The following ADAMTS15 variants were observed in gnomAD, a reference collection of about 807,000 sequenced individuals.
ADAMTS15 encodes the protein ADAM metallopeptidase with thrombospondin type 1 motif 15, also known as A disintegrin and metalloproteinase with thrombospondin motifs 15.
In ADAMTS15, 35 loss-of-function variants were observed where a neutral mutation model predicts 79.1. The ratio of observed to expected loss-of-function variants is 0.44; its 90% confidence interval spans 0.34 to 0.59. The LOEUF is 0.59. Among genes scored for constraint, ADAMTS15 ranks in the 20% least tolerant of loss-of-function variants. The probability of loss-of-function intolerance (pLI) is 0.02; values close to 1 mark genes in which losing one functional copy is unlikely to be tolerated. For missense variants in ADAMTS15, 1,324 were observed against 1,318.7 expected (o/e 1.00, Z -0.06); for synonymous variants, 616 against 567.3 (o/e 1.09, Z -1.22).
Position 130,449,717 on chromosome 11 carries a change from G to A in ADAMTS15, c.744G>A (p.Thr248=), listed in dbSNP as rs975345296. The change falls in exon 1 of 8, where the codon ACG becomes ACA. Residue 248 remains threonine (T), a synonymous_variant. Transcript: ENST00000299164. This position sits in a 1 kb window ranked among gnomAD's most constrained non-coding sequence, Gnocchi z 7.8. ...LEHYLLTLLA[T]AARLYRHPSI... ...ATTATCTGCTGACGCTGCTGGCAAC[G>A]GCGGCGCGACTCTACCGCCATCCCA... is the stretch of plus-strand genomic sequence containing the variant. 6.2e-7 allele frequency: 1 copy of A among 1,611,838 alleles called. No individual in the cohort carries two copies. Among genetic ancestry groups the A allele is most frequent in the Non-Finnish European group, 8.5e-7 (1 of 1,179,386 alleles).
At chr11:130,454,110 G>A (rs931049948) in intron 1 of ADAMTS15, among the ~76,000 whole-genome samples, 3 of 152,162 alleles carry the variant, frequency 2.0e-5, no homozygotes. Flanking sequence ...GAGCCACTGC[G>A]CCTGGTCTAT....
At position 130,449,592 on chromosome 11, in the gene ADAMTS15, T is replaced by G. The variant is rs1016581830; in HGVS notation, c.619T>G (p.Ser207Ala). The G allele has an allele frequency of 1.2e-6, 2 of 1,602,012 alleles. No homozygotes were observed. The highest frequency in any genetic ancestry group is 2.7e-5 in the African/African-American group (2 of 74,760). ...GFGESRSRRR[S>A]GRAKRFVSIP... ...CGGGGAGAGTCGTAGCCGGCGCAGG[T>G]CTGGGCGCGCCAAGCGTTTCGTGTC... is the stretch of plus-strand genomic sequence containing the variant. The change falls in exon 1 of 8, where the codon TCT (serine) becomes GCT (alanine). Residue 207 changes from serine (S) to alanine (A), a missense_variant. Physicochemically the swap from Ser to Ala is moderately conservative, Grantham distance 99. Transcript: ENST00000299164. This position sits in a 1 kb window ranked among gnomAD's most constrained non-coding sequence, Gnocchi z 7.8.
chr11:130,452,272 G>A (rs1937979910), intron 1 of ADAMTS15, among the ~76,000 whole-genome samples: 1 of 152,174 alleles, frequency 6.6e-6, no homozygotes, highest in African/African-American at 2.4e-5. Flanking sequence ...GACAATTTGA[G>A]GAGTTTACTT....
chr11:130,452,472 C>T (rs576897293), intron 1 of ADAMTS15, among the ~76,000 whole-genome samples: 10 of 152,260 alleles, frequency 6.6e-5, no homozygotes, highest in Middle Eastern at 3.4e-3. Context: ...TTGCATTGGG[C>T]GGCAGGAGCC....
intron 1 of ADAMTS15, among the ~76,000 whole-genome samples, chr11:130,456,901 G>A (rs923880352): frequency 1.3e-5 from 2 of 152,208 alleles, no homozygotes; most frequent in Admixed American, 6.5e-5. Flanking sequence ...AGCAAAGTCC[G>A]CTACATGAGA....
intron 1 of ADAMTS15, among the ~76,000 whole-genome samples, chr11:130,453,475 G>A (rs1444625329): frequency 2.0e-5 from 3 of 151,354 alleles, no homozygotes; most frequent in East Asian, 1.9e-4. Flanking sequence ...TTTAGAGATA[G>A]GGTCTCATTC....
intron 2 of ADAMTS15, among the ~76,000 whole-genome samples, 153 bp downstream of exon 2, chr11:130,461,774 G>A (rs375176384): frequency 1.9e-4 from 29 of 152,208 alleles, no homozygotes; most frequent in African/African-American, 4.6e-4. Context: ...TACTTTTTCC[G>A]ATTGCCCCAG....
At chr11:130,452,863 A>C (rs55925400) in intron 1 of ADAMTS15, among the ~76,000 whole-genome samples, 80,618 of 151,372 alleles carry the variant, frequency 0.53, 22,585 homozygotes, top group African/African-American at 0.72. Flanking sequence ...CGCCTGTAGT[A>C]CCAGCTACTC....
chr11:130,464,031 G>A (rs532536331), intron 4 of ADAMTS15, among the ~76,000 whole-genome samples: 1 of 152,262 alleles, frequency 6.6e-6, no homozygotes, highest in Admixed American at 6.5e-5. Flanking sequence ...CAAGGAGGCG[G>A]GCGGTCCTGG....
intron 4 of ADAMTS15, among the ~76,000 whole-genome samples, chr11:130,467,575 T>C (rs1938328037): frequency 2.0e-5 from 3 of 152,150 alleles, no homozygotes; most frequent in African/African-American, 7.2e-5. Flanking sequence ...CCTGCTTAGT[T>C]CCATGTGAGT....
intron 5 of ADAMTS15, among the ~76,000 whole-genome samples, chr11:130,470,381 T>C (rs1014706069): frequency 3.1e-4 from 47 of 150,998 alleles, no homozygotes; most frequent in African/African-American, 1.1e-3. Flanking sequence ...CATGCCCAGC[T>C]AATTTTTGTG....
chr11:130,461,349 C>G (rs1938193814), intron 1 of ADAMTS15, 140 bp from the exon 2 acceptor site: 1 of 1,230,608 alleles, frequency 8.1e-7, no homozygotes, highest in Admixed American at 2.4e-5. Context: ...GAAGAAGAGC[C>G]CAGCTGGAAG....
chr11:130,463,573 G>A (rs902330706), intron 4 of ADAMTS15, among the ~76,000 whole-genome samples: 1 of 152,134 alleles, frequency 6.6e-6, no homozygotes, highest in Admixed American at 6.5e-5. Context: ...GGGACGACTT[G>A]CCTCTGGGCA....
At chr11:130,456,127 G>A (rs1938073819) in intron 1 of ADAMTS15, among the ~76,000 whole-genome samples, 5 of 152,126 alleles carry the variant, frequency 3.3e-5, no homozygotes, top group Non-Finnish European at 4.4e-5. Flanking sequence ...GTGCGATGGG[G>A]CCTGATAATG....
chr11:130,449,662 T>C lies in ADAMTS15; in HGVS notation c.689T>C (p.Met230Thr). The change falls in exon 1 of 8, where the codon ATG (methionine) becomes ACG (threonine). Residue 230 changes from methionine (M) to threonine (T), a missense_variant. By Grantham distance (81) the Met-to-Thr change is moderately conservative. Transcript: ENST00000299164. This position sits in a 1 kb window ranked among gnomAD's most constrained non-coding sequence, Gnocchi z 7.8. ...ACGCTGGTGGTCGCGGACGAGTCAATGGTCAAGTTCCACGGCGCGGACCTG... is the reference window on the plus strand; with the variant it reads ...ACGCTGGTGGTCGCGGACGAGTCAACGGTCAAGTTCCACGGCGCGGACCTG... The part of the protein sequence containing the change: ...VETLVVADES[M>T]VKFHGADLEH... 1 of 1,587,596 alleles carries C rather than the reference T, an allele frequency of 6.3e-7. No homozygotes were observed. Among genetic ancestry groups the C allele is most frequent in the Non-Finnish European group, 8.6e-7 (1 of 1,168,232 alleles).
Position 130,470,184 on chromosome 11 carries a change from G to GTATATATATATATATATATA in ADAMTS15, c.1721-735_1721-734insATATATATATATATATATAT, listed in dbSNP as rs1281455253. ...TATATATATATATATATATATATGT[G>GTATATATATATATATATATA]TGTATATATATATATATATATATAT... On this transcript the variant is annotated intron_variant, in intron 5 of 7. Transcript: ENST00000299164. Among the ~76,000 whole-genome samples, 110 of 50,162 alleles carry GTATATATATATATATATATA rather than the reference G, an allele frequency of 2.2e-3. 4 individuals are homozygous for GTATATATATATATATATATA. Among genetic ancestry groups the GTATATATATATATATATATA allele is most frequent in the Admixed American group, 1.1e-3 (5 of 4,690 alleles). 32.9% of individuals were successfully genotyped at this position (50,162 alleles called of 152,430 possible).
chr11:130,471,669 T>C (rs1032649674), intron 7 of ADAMTS15, among the ~76,000 whole-genome samples: 1 of 152,172 alleles, frequency 6.6e-6, no homozygotes, highest in Non-Finnish European at 1.5e-5. Context: ...TTAGGGGCTG[T>C]ATAGTGTTCT....
rs890737091 is a variant in ADAMTS15 at position 130,448,866 on chromosome 11, C to T, written c.-108C>T. The T allele has an allele frequency of 3.2e-5, 27 of 841,620 alleles. No individual in the cohort carries two copies. The East Asian group carries it at 6.8e-4, about 21-fold the overall frequency. 52.1% of individuals were successfully genotyped at this position (841,620 alleles called of 1,614,324 possible). A position where few individuals can be genotyped will look rare whatever the true frequency, so the allele number is the denominator to read the frequency against. On this transcript the variant is annotated 5_prime_UTR_variant, in exon 1 of 8. Coordinates refer to ENST00000299164, the MANE Select transcript of ADAMTS15 (RefSeq NM_139055.4). ...CTCCTTTCTGGGAACTGCCGGCTGT[C>T]CCGTAGCGTTGGCGGTTCCAGAGTG...
In ADAMTS15 at chr11:130,449,789, T is replaced by C; in HGVS notation, c.816T>C (p.Leu272=). ...TCGTTGTGGTCAAGGTGCTGCTTCTTAGAGATCGTGACTCCGGGCCCAAGG... is the reference window on the plus strand; with the variant it reads ...TCGTTGTGGTCAAGGTGCTGCTTCTCAGAGATCGTGACTCCGGGCCCAAGG... ...INIVVVKVLL[L]RDRDSGPKVT... is the part of the protein sequence containing the mutation. Residue 272 remains leucine (L), a synonymous_variant, in exon 1 of 8, where the codon CTT becomes CTC. Coordinates refer to ENST00000299164, the MANE Select transcript of ADAMTS15 (RefSeq NM_139055.4). The surrounding 1 kb of genome is among the most constrained non-coding windows in gnomAD (Gnocchi z 7.8). 2 of 1,612,240 alleles carry C rather than the reference T, an allele frequency of 1.2e-6. No individual in the cohort carries two copies. Among genetic ancestry groups the C allele is most frequent in the Non-Finnish European group, 1.7e-6 (2 of 1,180,018 alleles).
Sources: allele counts gnomAD v4.1 joint callset (sites outside exome capture counted in the v4.1 genomes callset), GRCh38; gene constraint gnomAD v4.1.1; non-coding constraint Gnocchi (gnomAD v3.1); transcripts MANE v1.5; gene names NCBI Gene and HGNC (gene_info 2026-07-23, HGNC 2026-07-21).